TRAP1: variants seen among roughly 807,000 people sequenced by gnomAD.
The protein encoded by TRAP1 is heat shock protein 75 kDa, mitochondrial.
A neutral mutation model predicts 89.1 loss-of-function variants in TRAP1; 102 were observed. The ratio of observed to expected loss-of-function variants is 1.15; its 90% confidence interval spans 0.98 to 1.35. The LOEUF is 1.35. Among genes scored for constraint, TRAP1 ranks in the 40% most tolerant of loss-of-function variants. The pLI is 0.00. For synonymous variants in TRAP1, 508 were observed against 388.0 expected (o/e 1.31, Z -3.64); for missense variants, 1,256 against 945.3 (o/e 1.33, Z -4.31).
Position 3,676,064 on chromosome 16 carries a change from C to T in TRAP1, c.786G>A (p.Lys262=), listed in dbSNP as rs2050988598. 1.9e-6 allele frequency: 3 copies of T among 1,613,996 alleles called. No individual in the cohort carries two copies. Among genetic ancestry groups the T allele is most frequent in the Non-Finnish European group, 1.7e-6 (2 of 1,179,934 alleles). The change falls in exon 7 of 18, where the codon AAG becomes AAA. Residue 262 remains lysine, a synonymous_variant. Transcript: ENST00000246957. ...KIIIHLKSDC[K]EFSSEARVRD... ...GCACCCGGGCCTCGCTGGAAAACTC[C>T]TTGCAGTCGGATTTCAGGTGGATGA...
intron 1 of TRAP1, among the ~76,000 whole-genome samples, chr16:3,693,828 G>C (rs548041252): frequency 6.6e-6 from 1 of 151,988 alleles, no homozygotes; most frequent in African/African-American, 2.4e-5. Context: ...CTCCATCTCT[G>C]CAAAAAACAC....
intron 9 of TRAP1, 142 bp from the exon 10 acceptor site, chr16:3,672,962 G>C (rs2050935296): frequency 7.7e-7 from 1 of 1,304,606 alleles, no homozygotes; most frequent in Non-Finnish European, 1.0e-6. Flanking sequence ...TTGAAGCCCA[G>C]TGCAGGGGCC....
intron 10 of TRAP1, among the ~76,000 whole-genome samples, chr16:3,672,071 C>CT (rs1315622137): frequency 6.6e-6 from 1 of 152,200 alleles, no homozygotes; most frequent in Non-Finnish European, 1.5e-5. Context: ...GGCACAGTGT[C>CT]TGACGCCTGT....
At chr16:3,664,151 C>A in intron 13 of TRAP1, 123 bp downstream of exon 13, 1 of 1,076,484 alleles carries the variant, frequency 9.3e-7, no homozygotes, top group Non-Finnish European at 1.3e-6. Context: ...GTGCCCGTGA[C>A]CCTGACCCAC....
At chr16:3,663,345 G>A in intron 14 of TRAP1, 79 bp downstream of exon 14, 1 of 1,576,208 alleles carries the variant, frequency 6.3e-7, no homozygotes, top group Non-Finnish European at 8.6e-7. Context: ...AAAACCCAAA[G>A]GAAGCCCTCG....
chr16:3,705,607 C>A (rs1415985247), intron 1 of TRAP1, among the ~76,000 whole-genome samples: 1 of 152,160 alleles, frequency 6.6e-6, no homozygotes, highest in East Asian at 1.9e-4. Context: ...GCACCTCATT[C>A]CTTTTTATAA....
intron 11 of TRAP1, among the ~76,000 whole-genome samples, chr16:3,666,780 A>G (rs1309802256): frequency 1.3e-5 from 2 of 152,182 alleles, no homozygotes; most frequent in Admixed American, 6.5e-5. Context: ...TATACTGAAT[A>G]TATGTATACT....
chr16:3,680,456 T>G (rs1239165741), intron 4 of TRAP1, among the ~76,000 whole-genome samples: 1 of 152,216 alleles, frequency 6.6e-6, no homozygotes, highest in African/African-American at 2.4e-5. Context: ...AGTGATCCCC[T>G]CTGGTGGCTC....
chr16:3,664,622 T>C, intron 12 of TRAP1, 163 bp from the exon 13 acceptor site: 1 of 715,188 alleles, frequency 1.4e-6, no homozygotes, highest in Admixed American at 3.2e-5. Flanking sequence ...AGAGCAGGCC[T>C]TGCTCTGCCC....
At chr16:3,659,675 A>G (rs1298777988) in intron 16 of TRAP1, 2 of 152,164 alleles carry the variant, frequency 1.3e-5, no homozygotes, top group Non-Finnish European at 2.9e-5. Flanking sequence ...GGAGTCGGGA[A>G]AACCACATGT....
In TRAP1 at chr16:3,717,521, G is replaced by C. The variant is rs981384337; in HGVS notation, c.-13C>G. On this transcript the variant is annotated 5_prime_UTR_variant, in exon 1 of 18. Coordinates refer to ENST00000246957, the MANE Select transcript of TRAP1 (RefSeq NM_016292.3). ...GCTCGCGCGCCATGTCGTACTCCCAGAGCGCCGCGCGCAGCCACGCGGGAC... is the reference window on the plus strand; with the variant it reads ...GCTCGCGCGCCATGTCGTACTCCCACAGCGCCGCGCGCAGCCACGCGGGAC... The C allele has an allele frequency of 5.2e-6, 7 of 1,356,006 alleles. No individual in the cohort carries two copies. The highest frequency in any genetic ancestry group is 6.6e-6 in the Non-Finnish European group (7 of 1,055,260). 84.0% of individuals were successfully genotyped at this position (1,356,006 alleles called of 1,614,324 possible).
chr16:3,671,605 T>A (rs2050913540), intron 11 of TRAP1, 117 bp downstream of exon 11: 2 of 1,133,482 alleles, frequency 1.8e-6, no homozygotes, highest in African/African-American at 3.1e-5. Flanking sequence ...CAGGCCGGGC[T>A]TCCCCGACCA....
chr16:3,682,215 T>A (rs1393025734), intron 4 of TRAP1, among the ~76,000 whole-genome samples: 2 of 151,944 alleles, frequency 1.3e-5, no homozygotes, highest in Non-Finnish European at 2.9e-5. Flanking sequence ...TTGAAATGGA[T>A]CATAGATCTA....
At chr16:3,666,198 AG>A (rs1317656512) in intron 11 of TRAP1, 80 bp from the exon 12 acceptor site, 37 of 1,490,904 alleles carry the variant, frequency 2.5e-5, no homozygotes, top group Non-Finnish European at 3.2e-5. Context: ...AAAAATGTTC[AG>A]CCCCGCTAAG....
chr16:3,676,646 G>T (rs1295740764), intron 6 of TRAP1: 1 of 152,898 alleles, frequency 6.5e-6, no homozygotes, highest in Non-Finnish European at 1.5e-5. Flanking sequence ...AATTAAACAG[G>T]AATGTTAGTT....
chr16:3,708,673 G>A (rs953632473), intron 1 of TRAP1, among the ~76,000 whole-genome samples: 24 of 151,626 alleles, frequency 1.6e-4, no homozygotes, highest in Middle Eastern at 3.4e-3. Flanking sequence ...TAAATGAGCC[G>A]GGCATGGTGG....
chr16:3,709,987 G>C (rs2051506279), intron 1 of TRAP1, among the ~76,000 whole-genome samples: 1 of 152,156 alleles, frequency 6.6e-6, no homozygotes, highest in East Asian at 1.9e-4. Context: ...TGAACAGAAA[G>C]ACCTGTATTC....
chr16:3,663,405 G>C lies in TRAP1; in HGVS notation c.1708+19C>G, dbSNP rs1444477535. The C allele has an allele frequency of 1.9e-6, 3 of 1,613,880 alleles. No homozygotes were observed. Among genetic ancestry groups the C allele is most frequent in the Admixed American group, 1.7e-5 (1 of 60,014 alleles). On this transcript the variant is annotated intron_variant, in intron 14 of 17. Transcript: ENST00000246957. ...GGAGTGGAAACCAGCCCCACGCCTA[G>C]AGAGCAGGGGATGCCGACCTGGGGA...
intron 1 of TRAP1, among the ~76,000 whole-genome samples, chr16:3,717,110 C>T (rs907268727): frequency 1.3e-5 from 2 of 152,256 alleles, no homozygotes; most frequent in African/African-American, 4.8e-5. Context: ...ACGTGCGCTA[C>T]CTGACTGGAC....
Sources: gnomAD v4.1 joint callset for allele counts (sites outside exome capture counted in the v4.1 genomes callset) on GRCh38, gnomAD v4.1.1 for gene constraint, MANE v1.5 for transcripts, NCBI Gene and HGNC (gene_info 2026-07-23, HGNC 2026-07-21) for gene names.